Variants in RPL3L observed in about 807,000 individuals in gnomAD.
RPL3L encodes the protein ribosomal protein L3 like.
A neutral mutation model predicts 44.5 loss-of-function variants in RPL3L; 44 were observed. That is an observed-to-expected ratio of 0.99 (90% CI 0.78 to 1.27). The LOEUF (loss-of-function observed/expected upper bound fraction) is 1.27, where lower values mean the gene tolerates loss of function less well. Ranked by LOEUF, RPL3L falls within the 50% of genes most tolerant of loss-of-function variation. The probability of loss-of-function intolerance (pLI) is 0.00; values close to 1 mark genes in which losing one functional copy is unlikely to be tolerated. For synonymous variants in RPL3L, 292 were observed against 230.7 expected (o/e 1.27, Z -2.41); for missense variants, 631 against 569.1 (o/e 1.11, Z -1.11).
At chr16:1,946,021 A>G (rs909297311) in intron 7 of RPL3L, 91 bp from the exon 8 acceptor site, 11 of 1,095,276 alleles carry the variant, frequency 1.0e-5, no homozygotes, top group Non-Finnish European at 1.2e-5. Flanking sequence ...CAGAGGGGGC[A>G]GTGATAGGCA....
chr16:1,947,776 G>A (rs562633319), intron 4 of RPL3L, among the ~76,000 whole-genome samples: 26 of 152,222 alleles, frequency 1.7e-4, no homozygotes, highest in Admixed American at 3.9e-4. Flanking sequence ...GCAGGACCCC[G>A]CATTTGCACA....
At position 1,953,071 on chromosome 16, in the gene RPL3L, A is replaced by G. The variant is rs564776512; in HGVS notation, c.197-29T>C. ...GATGAGACACAGGGATGGGGCATGA[A>G]GGGGGACCTCCTGAGGCCTGTGGGG... On this transcript the variant is annotated intron_variant, in intron 2 of 9. Coordinates refer to ENST00000268661, the MANE Select transcript of RPL3L (RefSeq NM_005061.3). 3.2e-6 allele frequency: 5 copies of G among 1,566,944 alleles called. No homozygotes were observed. In the Admixed American group the frequency reaches 9.1e-5, roughly 28 times the overall value.
rs1219215702 is a variant in RPL3L at position 1,946,699 on chromosome 16, T to C, written c.877A>G (p.Met293Val). The change falls in exon 7 of 10, where the codon ATG becomes GTG. Residue 293 changes from methionine (M) to valine (V), a missense_variant. Transcript: ENST00000268661. ...TTCTTCACCAGCTTCCCGTCCTCCA[T>C]GTGCGGGCCCCTGCCGATGCGGAAG... ...KIFRIGRGPH[M>V]EDGKLVKNNA... 2 of 1,612,738 alleles carry C rather than the reference T, an allele frequency of 1.2e-6. No homozygotes were observed. Among genetic ancestry groups the C allele is most frequent in the South Asian group, 1.1e-5 (1 of 91,090 alleles).
rs1241797938 is a variant in RPL3L, at chr16:1,945,357, AAAATAAAATAAAT to A, written c.1167+129_1167+141del. On this transcript the variant is annotated intron_variant, in intron 9 of 9. Transcript: ENST00000268661. ...GTGACAGAGCGAGACTCCATCTCAA[AAAATAAAATAAAT>A]AAAAAAAAAAGAGTCTCTCCTGCAG... 15 of 881,364 alleles carry A rather than the reference AAAATAAAATAAAT, an allele frequency of 1.7e-5. 1 individual carries two copies. Among genetic ancestry groups the A allele is most frequent in the South Asian group, 1.1e-4 (5 of 46,000 alleles). The allele number at this position is 881,364 out of a possible 1,614,324, so 54.6% of individuals were successfully genotyped here.
At position 1,947,003 on chromosome 16, in the gene RPL3L, C is replaced by G; in HGVS notation, c.784G>C (p.Val262Leu). The stretch of plus-strand genomic sequence containing the variant: ...CCGGCCCGAGCAATGGAGCAGCCCA[C>G]GCGGGCGGGGTGCCAGGCGCCAATG... ...ACIGAWHPAR[V>L]GCSIARAGQK... The change falls in exon 6 of 10, where the codon GTG (valine) becomes CTG (leucine). Residue 262 changes from valine to leucine, a missense_variant. Val to Leu is a conservative substitution (Grantham distance 32, BLOSUM62 1). Coordinates refer to ENST00000268661, the MANE Select transcript of RPL3L (RefSeq NM_005061.3). 1.9e-6 allele frequency: 3 copies of G among 1,611,796 alleles called. No homozygotes were observed. The highest frequency in any genetic ancestry group is 2.5e-6 in the Non-Finnish European group (3 of 1,179,608).
At chr16:1,953,431 G>A (rs2083185188) in intron 2 of RPL3L, among the ~76,000 whole-genome samples, 2 of 152,130 alleles carry the variant, frequency 1.3e-5, no homozygotes, top group Non-Finnish European at 2.9e-5. Flanking sequence ...TGCCGTCCAG[G>A]TTGGTCTGCA....
In RPL3L at chr16:1,952,963, G is replaced by A. The variant is rs139351360; in HGVS notation, c.276C>T (p.Tyr92=). 1.8e-5 allele frequency: 29 copies of A among 1,613,678 alleles called. No individual in the cohort carries two copies. Among genetic ancestry groups the A allele is most frequent in the South Asian group, 1.2e-4 (11 of 91,048 alleles). The change falls in exon 3 of 10, where the codon TAC becomes TAT. Residue 92 remains tyrosine (Y), a synonymous_variant. Transcript: ENST00000268661. ...TCCGGAGACCTCGAGGGGTGGCCACGTAGCCCACCACGCCCACCACCACTA... is the reference window on the plus strand; with the variant it reads ...TCCGGAGACCTCGAGGGGTGGCCACATAGCCCACCACGCCCACCACCACTA... The part of the protein sequence containing the change: ...PPLVVVGVVG[Y]VATPRGLRSF...
At position 1,945,862 on chromosome 16, in the gene RPL3L, G is replaced by T. The variant is rs146888945; in HGVS notation, c.1020C>A (p.Thr340=). 3 of 1,613,992 alleles carry T rather than the reference G, an allele frequency of 1.9e-6. No individual in the cohort carries two copies. Among genetic ancestry groups the T allele is most frequent in the East Asian group, 2.2e-5 (1 of 44,876 alleles). The part of the protein sequence containing the change: ...FVMLKGCIAG[T]KKRVITLRKS... The stretch of plus-strand genomic sequence containing the variant: ...TTCTCAGCGTAATGACCCGCTTCTT[G>T]GTACCAGCAATACAACCCTTCAGCA... Residue 340 remains threonine, a synonymous_variant, in exon 8 of 10, where the codon ACC becomes ACA. Transcript: ENST00000268661.
chr16:1,946,242 T>G (rs1370377731), intron 7 of RPL3L, among the ~76,000 whole-genome samples: 1 of 152,176 alleles, frequency 6.6e-6, no homozygotes, highest in Non-Finnish European at 1.5e-5. Context: ...TGAGCCCAGG[T>G]GGCCTGACTC....
At chr16:1,951,151 C>T (rs1300208646) in intron 3 of RPL3L, among the ~76,000 whole-genome samples, 172 bp from the exon 4 acceptor site, 1 of 152,092 alleles carries the variant, frequency 6.6e-6, no homozygotes, top group Admixed American at 6.6e-5. Flanking sequence ...CATAGACTGT[C>T]TCTCCCCCTC....
chr16:1,946,778 A>G (rs758673699), intron 6 of RPL3L, 52 bp from the exon 7 acceptor site: 4 of 1,601,876 alleles, frequency 2.5e-6, no homozygotes. Flanking sequence ...TGAGGCCAGC[A>G]GCCCATCCAG....
At chr16:1,948,418 G>A (rs999194999) in intron 4 of RPL3L, among the ~76,000 whole-genome samples, 3 of 151,860 alleles carry the variant, frequency 2.0e-5, no homozygotes, top group African/African-American at 7.3e-5. Flanking sequence ...TACAGTTGGG[G>A]TTTCCCATGT....
chr16:1,947,780 T>C (rs1022528683), intron 4 of RPL3L, among the ~76,000 whole-genome samples: 1 of 151,966 alleles, frequency 6.6e-6, no homozygotes, highest in African/African-American at 2.4e-5. Flanking sequence ...GACCCCGCAT[T>C]TGCACAGGCC....
At chr16:1,950,321 C>A (rs569059331) in intron 4 of RPL3L, among the ~76,000 whole-genome samples, 2 of 151,878 alleles carry the variant, frequency 1.3e-5, no homozygotes, top group African/African-American at 4.8e-5. Context: ...AGTGACTGGC[C>A]CAGGCATGGT....
intron 2 of RPL3L, among the ~76,000 whole-genome samples, 200 bp from the exon 3 acceptor site, chr16:1,953,242 C>T (rs1284087784): frequency 3.3e-5 from 5 of 152,182 alleles, no homozygotes; most frequent in African/African-American, 1.2e-4. Flanking sequence ...GTTTTTGAGA[C>T]AGGGTCTCAC....
At chr16:1,950,612 G>C (rs1442571618) in intron 4 of RPL3L, among the ~76,000 whole-genome samples, 2 of 152,184 alleles carry the variant, frequency 1.3e-5, no homozygotes, top group Non-Finnish European at 2.9e-5. Flanking sequence ...GCGTGCCAGG[G>C]TCTTAGTTGA....
Position 1,944,753 on chromosome 16 carries a change from T to C in RPL3L, c.*84A>G. 6.3e-7 allele frequency: 1 copy of C among 1,587,466 alleles called. No homozygotes were observed. Among genetic ancestry groups the C allele is most frequent in the South Asian group, 1.1e-5 (1 of 90,626 alleles). On this transcript the variant is annotated 3_prime_UTR_variant, in exon 10 of 10. Coordinates refer to ENST00000268661, the MANE Select transcript of RPL3L (RefSeq NM_005061.3). Reference sequence around the variant, plus strand: ...GGCGGTTACACAGCGCTCTGAGACCTCGCAGGAAGAGTCGCCTCCGGCCTT... The same window carrying C: ...GGCGGTTACACAGCGCTCTGAGACCCCGCAGGAAGAGTCGCCTCCGGCCTT...
rs1597023513 is a variant in RPL3L at position 1,944,470 on chromosome 16, A to C, written c.*367T>G. 1 of 161,008 alleles carries C rather than the reference A, an allele frequency of 6.2e-6. No homozygotes were observed. Among genetic ancestry groups the C allele is most frequent in the Non-Finnish European group, 1.2e-5 (1 of 80,642 alleles). 10.0% of individuals were successfully genotyped at this position (161,008 alleles called of 1,614,324 possible). On this transcript the variant is annotated 3_prime_UTR_variant, in exon 10 of 10. Transcript: ENST00000268661. ...CTCTCCTGGCTCACTGGCTCTCCCC[A>C]CCCGCCAAGTTATCCTTAAAAACTC...
At position 1,945,532 on chromosome 16, in the gene RPL3L, G is replaced by T; in HGVS notation, c.1134C>A (p.Arg378=). The T allele has an allele frequency of 6.2e-7, 1 of 1,613,698 alleles. No homozygotes were observed. Among genetic ancestry groups the T allele is most frequent in the Non-Finnish European group, 8.5e-7 (1 of 1,179,924 alleles). ...CCCTCTTCTCTTGGGCTGTCTGGAA[G>T]CGGCCATGGCCGAACTTGGAGGTGG... ...IDTTSKFGHG[R]FQTAQEKRAF... is the part of the protein sequence containing the mutation. Residue 378 remains arginine, a synonymous_variant, in exon 9 of 10, where the codon CGC becomes CGA. Coordinates refer to ENST00000268661, the MANE Select transcript of RPL3L (RefSeq NM_005061.3).
Sources: gnomAD v4.1 joint callset for allele counts (sites outside exome capture counted in the v4.1 genomes callset) on GRCh38, gnomAD v4.1.1 for gene constraint, MANE v1.5 for transcripts, NCBI Gene and HGNC (gene_info 2026-07-23, HGNC 2026-07-21) for gene names.